The following PCDHGA1 variants were observed in gnomAD, a reference collection of about 807,000 sequenced individuals.
The protein encoded by PCDHGA1 is protocadherin gamma-A1.
PCDHGA1 carries 32 observed loss-of-function variants against 58.0 expected under a neutral mutation model. That is an observed-to-expected ratio of 0.55 (90% confidence interval 0.42 to 0.74). The LOEUF is 0.74. PCDHGA1 is among the 30% of genes least tolerant of loss of function. The pLI is 0.00. For missense variants in PCDHGA1, 1,205 were observed against 1,182.3 expected (o/e 1.02, Z -0.28); for synonymous variants, 498 against 501.1 (o/e 0.99, Z 0.08).
chr5:141,395,447 G>A, intron 1 of PCDHGA1: 1 of 645,042 alleles, frequency 1.6e-6, no homozygotes, highest in Admixed American at 3.5e-5. Context: ...GGAAAAGATT[G>A]TTCAACCATT....
At chr5:141,382,318 T>A (rs1233432296) in intron 1 of PCDHGA1, among the ~76,000 whole-genome samples, 1 of 152,250 alleles carries the variant, frequency 6.6e-6, no homozygotes, top group African/African-American at 2.4e-5. Context: ...TACACTGATG[T>A]AAATATTTTC....
At chr5:141,360,925 G>T in intron 1 of PCDHGA1, 1 of 1,614,018 alleles carries the variant, frequency 6.2e-7, no homozygotes, top group Non-Finnish European at 8.5e-7. Flanking sequence ...TGTGCTTCAA[G>T]TGACAGCCAC....
intron 1 of PCDHGA1, chr5:141,379,157 G>A (rs962500873): frequency 1.3e-5 from 2 of 152,168 alleles, no homozygotes; most frequent in Non-Finnish European, 2.9e-5. Flanking sequence ...ACCTGACTTT[G>A]TCAGTCTTCT....
At position 141,398,050 on chromosome 5, in the gene PCDHGA1, T is replaced by C. The variant is rs558695876; in HGVS notation, c.2421+64945T>C. Reference sequence around the variant, plus strand: ...ACTGGAACTAAAGCCCGTTCGGAGATCCAAAAATCTACAATACAGAGGTTA... The same window carrying C: ...ACTGGAACTAAAGCCCGTTCGGAGACCCAAAAATCTACAATACAGAGGTTA... On this transcript the variant is annotated intron_variant, in intron 1 of 3. Coordinates refer to ENST00000517417, the MANE Select transcript of PCDHGA1 (RefSeq NM_018912.3). 12 of 1,510,524 alleles carry C rather than the reference T, an allele frequency of 7.9e-6. No individual in the cohort carries two copies. The African/African-American group carries it at 1.1e-4, about 14-fold the overall frequency. 93.6% of individuals were successfully genotyped at this position (1,510,524 alleles called of 1,614,324 possible). A position where few individuals can be genotyped will look rare whatever the true frequency, so the allele number is the denominator to read the frequency against.
intron 1 of PCDHGA1, among the ~76,000 whole-genome samples, chr5:141,448,451 C>T (rs1261733103): frequency 6.6e-6 from 1 of 152,032 alleles, no homozygotes; most frequent in Admixed American, 6.6e-5. Context: ...GACTTCCATC[C>T]CTATCCTACT....
rs57426385 is a variant in PCDHGA1 at position 141,415,740 on chromosome 5, G to GTTT, written c.2422-79037_2422-79035dup. ...TGAGTAGAATTTGATGTTTATTAAG[G>GTTT]TTTTTTTTTTTTTTTTTTTTTTTTT... On this transcript the variant is annotated intron_variant, in intron 1 of 3. Transcript: ENST00000517417. 6,178 of 620,014 alleles carry GTTT rather than the reference G, an allele frequency of 1.0e-2. 42 individuals are homozygous for GTTT. Among genetic ancestry groups the GTTT allele is most frequent in the South Asian group, 0.019 (660 of 34,340 alleles). The allele number at this position is 620,014 out of a possible 1,614,324, so 38.4% of individuals were successfully genotyped here. A position where few individuals can be genotyped will look rare whatever the true frequency, so the allele number is the denominator to read the frequency against.
intron 2 of PCDHGA1, among the ~76,000 whole-genome samples, chr5:141,500,231 C>T (rs992215482): frequency 1.4e-5 from 2 of 138,098 alleles, no homozygotes; most frequent in East Asian, 4.1e-4. Context: ...TTTATTGATA[C>T]GTAGCCTTGC....
intron 2 of PCDHGA1, among the ~76,000 whole-genome samples, chr5:141,498,191 A>G (rs2099782212): frequency 6.6e-6 from 1 of 152,270 alleles, no homozygotes; most frequent in African/African-American, 2.4e-5. Flanking sequence ...CAAATTAACC[A>G]GCTAAAGAAA....
At chr5:141,505,306 T>C in intron 2 of PCDHGA1, 87 bp from the exon 3 acceptor site, 4 of 1,596,550 alleles carry the variant, frequency 2.5e-6, no homozygotes, top group Non-Finnish European at 3.4e-6. Context: ...GTTAGGGTAC[T>C]AGGTTTGGGA....
intron 1 of PCDHGA1, among the ~76,000 whole-genome samples, chr5:141,362,918 A>G (rs1159193332): frequency 6.6e-6 from 1 of 152,244 alleles, no homozygotes; most frequent in African/African-American, 2.4e-5. Context: ...AATACTTCAG[A>G]GTAAAGAGAG....
At chr5:141,421,225 G>A in intron 1 of PCDHGA1, 1 of 1,584,302 alleles carries the variant, frequency 6.3e-7, no homozygotes. Flanking sequence ...CTTAGAGCCT[G>A]CCATGGCGAA....
At chr5:141,427,898 C>T in intron 1 of PCDHGA1, 4 of 1,570,874 alleles carry the variant, frequency 2.5e-6, no homozygotes, top group African/African-American at 1.3e-5. Flanking sequence ...AGGGCTCGCC[C>T]GCGCTCAGCG....
At chr5:141,361,627 C>T (rs1389094962) in intron 1 of PCDHGA1, 12 of 1,613,918 alleles carry the variant, frequency 7.4e-6, no homozygotes, top group Admixed American at 1.7e-5. Context: ...CGACCTGAAG[C>T]CGCGGGAGAT....
At chr5:141,510,040 G>A (rs2099879305) in intron 3 of PCDHGA1, among the ~76,000 whole-genome samples, 1 of 152,220 alleles carries the variant, frequency 6.6e-6, no homozygotes, top group Non-Finnish European at 1.5e-5. Flanking sequence ...GTTATGTAGA[G>A]GTTAAAAGTG....
At chr5:141,457,167 C>T (rs1465212183) in intron 1 of PCDHGA1, among the ~76,000 whole-genome samples, 1 of 152,114 alleles carries the variant, frequency 6.6e-6, no homozygotes, top group East Asian at 1.9e-4. Context: ...CATGGATAAC[C>T]CTATTGCAAA....
chr5:141,355,624 G>C (rs774952817), intron 1 of PCDHGA1: 1 of 1,614,002 alleles, frequency 6.2e-7, no homozygotes, highest in South Asian at 1.1e-5. Context: ...GGAAATAAAA[G>C]TTGCTGAAAA....
chr5:141,387,301 AT>A (rs888289074), intron 1 of PCDHGA1, among the ~76,000 whole-genome samples: 1 of 152,242 alleles, frequency 6.6e-6, no homozygotes, highest in African/African-American at 2.4e-5. Flanking sequence ...TGTATCCAGT[AT>A]ATTTCTAATG....
chr5:141,470,855 G>A (rs2099242095), intron 1 of PCDHGA1, among the ~76,000 whole-genome samples: 3 of 151,856 alleles, frequency 2.0e-5, no homozygotes, highest in Admixed American at 2.0e-4. Context: ...GCTCAGATAA[G>A]TTTTTTGTTT....
rs761590469 is a variant in PCDHGA1, at chr5:141,364,617, G to A, written c.2421+31512G>A. 3.1e-6 allele frequency: 5 copies of A among 1,614,158 alleles called. No individual in the cohort carries two copies. The Admixed American group carries it at 8.3e-5, about 27-fold the overall frequency. The stretch of plus-strand genomic sequence containing the variant: ...GGCAGGATAGACCGGGAGGAGCTCT[G>A]CGCTCAGAGCCCACTGTGTGTGGTG... On this transcript the variant is annotated intron_variant, in intron 1 of 3. Coordinates refer to ENST00000517417, the MANE Select transcript of PCDHGA1 (RefSeq NM_018912.3).
Sources: gnomAD v4.1 joint callset for allele counts (sites outside exome capture counted in the v4.1 genomes callset) on GRCh38, gnomAD v4.1.1 for gene constraint, MANE v1.5 for transcripts, NCBI Gene and HGNC (gene_info 2026-07-23, HGNC 2026-07-21) for gene names.